The following SEC31B variants were observed in gnomAD, a reference collection of about 807,000 sequenced individuals.
The protein encoded by SEC31B is protein transport protein Sec31B.
SEC31B carries 113 observed loss-of-function variants against 135.0 expected under a neutral mutation model. That is an observed-to-expected ratio of 0.84 (90% CI 0.72 to 0.98). The LOEUF (loss-of-function observed/expected upper bound fraction) is 0.98, where lower values mean the gene tolerates loss of function less well. Ranked by LOEUF, SEC31B falls within the 50% of genes least tolerant of loss-of-function variation. The probability of loss-of-function intolerance (pLI) is 0.00; values close to 1 mark genes in which losing one functional copy is unlikely to be tolerated. For missense variants in SEC31B, 1,296 were observed against 1,421.1 expected (o/e 0.91, Z 1.42); for synonymous variants, 508 against 549.4 (o/e 0.92, Z 1.05).
rs1351504131 is a variant in SEC31B at position 100,505,546 on chromosome 10, G to C, written c.1045-51C>G. The C allele has an allele frequency of 3.3e-6, 5 of 1,501,784 alleles. No homozygotes were observed. In the African/African-American group the frequency reaches 7.2e-5, roughly 22 times the overall value. The allele number at this position is 1,501,784 out of a possible 1,614,324, so 93.0% of individuals were successfully genotyped here. ...CCATCCTAAAGTGGCAGTTTAGTCA[G>C]GAACTCCACCTACAAACTCCATTTT... On this transcript the variant is annotated intron_variant, in intron 9 of 25. Transcript: ENST00000370345.
In SEC31B at chr10:100,497,666, C is replaced by G; in HGVS notation, c.1990+1G>C. 6.2e-7 allele frequency: 1 copy of G among 1,614,208 alleles called. No individual in the cohort carries two copies. Among genetic ancestry groups the G allele is most frequent in the Non-Finnish European group, 8.5e-7 (1 of 1,180,040 alleles). On this transcript the variant is annotated splice_donor_variant, in intron 16 of 25. Coordinates refer to ENST00000370345, the MANE Select transcript of SEC31B (RefSeq NM_015490.4). LOFTEE classifies it high-confidence loss of function. ...ATCCTGAAGCCTGGGACCACACTTA[C>G]CACAGAGCTCGGGAAATTTCTCTGT...
rs1191109244 is a variant in SEC31B at position 100,500,311 on chromosome 10, T to C, written c.1411-713A>G. Among the ~76,000 whole-genome samples the C allele has an allele frequency of 5.9e-5, 9 of 151,848 alleles. No homozygotes were observed. In the South Asian group the frequency reaches 8.3e-4, roughly 14 times the overall value. ...CCTACAGTAGTCTTGTGAGTCTAAATGTTTCTTTTCTTTTTTTTTTTTAGA... is the reference window on the plus strand; with the variant it reads ...CCTACAGTAGTCTTGTGAGTCTAAACGTTTCTTTTCTTTTTTTTTTTTAGA... On this transcript the variant is annotated intron_variant, in intron 11 of 25. Coordinates refer to ENST00000370345, the MANE Select transcript of SEC31B (RefSeq NM_015490.4).
intron 6 of SEC31B, 97 bp from the exon 7 acceptor site, chr10:100,507,664 G>A: frequency 6.6e-7 from 1 of 1,512,394 alleles, no homozygotes; most frequent in Non-Finnish European, 9.1e-7. Flanking sequence ...TCTCTTTTGT[G>A]ACTGGGAACA....
rs764280794 is a variant in SEC31B, at chr10:100,497,835, C to A, written c.1864-42G>T. ...GGGAAAGAGACCATCAGCCATCCAT[C>A]CAGCATAGGCAGCAGGATTCCTGCA... On this transcript the variant is annotated intron_variant, in intron 15 of 25. Coordinates refer to ENST00000370345, the MANE Select transcript of SEC31B (RefSeq NM_015490.4). 1.9e-6 allele frequency: 3 copies of A among 1,613,904 alleles called. No individual in the cohort carries two copies. In the East Asian group the frequency reaches 6.7e-5, roughly 36 times the overall value.
At chr10:100,510,490 A>C (rs932514043) in intron 3 of SEC31B, among the ~76,000 whole-genome samples, 1 of 152,236 alleles carries the variant, frequency 6.6e-6, no homozygotes. Context: ...GGTCCTCTGC[A>C]AAGCCCCTAC....
chr10:100,489,891 A>G, intron 21 of SEC31B, 117 bp downstream of exon 21: 1 of 1,544,848 alleles, frequency 6.5e-7, no homozygotes. Context: ...CTACACTCCC[A>G]GCCACCCTCC....
chr10:100,497,153 C>T lies in SEC31B; in HGVS notation c.2118G>A (p.Leu706=). The T allele has an allele frequency of 1.2e-6, 2 of 1,614,170 alleles. No homozygotes were observed. Among genetic ancestry groups the T allele is most frequent in the Non-Finnish European group, 1.7e-6 (2 of 1,180,042 alleles). ...GGGGTACCTGCAGAGCCATGGGGGA[C>T]AAAGCCTGGTGGCATTTTGCCCAGC... ...VECWAKCHQA[L]SPMALQDLME... The change falls in exon 17 of 26, where the codon TTG becomes TTA. Residue 706 remains leucine, a synonymous_variant. Transcript: ENST00000370345.
intron 22 of SEC31B, 24 bp from the exon 23 acceptor site, chr10:100,489,422 TG>T: frequency 6.2e-7 from 1 of 1,612,312 alleles, no homozygotes; most frequent in South Asian, 1.1e-5. Flanking sequence ...AGGAAAGACA[TG>T]AGTCTAACCT....
intron 3 of SEC31B, among the ~76,000 whole-genome samples, chr10:100,511,185 T>A (rs996361197): frequency 4.6e-5 from 7 of 152,220 alleles, no homozygotes; most frequent in African/African-American, 1.7e-4. Context: ...TGTGACAAAA[T>A]GATTTTCTTT....
intron 19 of SEC31B, among the ~76,000 whole-genome samples, chr10:100,494,531 C>T (rs1244692789): frequency 6.6e-6 from 1 of 152,216 alleles, no homozygotes; most frequent in East Asian, 1.9e-4. Context: ...CAGCCACAAA[C>T]ACCTGTGTTG....
At chr10:100,516,261 A>G (rs372207792) in intron 2 of SEC31B, 42 bp from the exon 3 acceptor site, 1 of 1,604,036 alleles carries the variant, frequency 6.2e-7, no homozygotes, top group South Asian at 1.1e-5. Context: ...CAATATATGC[A>G]TGGATTTCAG....
In SEC31B at chr10:100,487,347, C is replaced by T. The variant is rs1564646823; in HGVS notation, c.*269G>A. The T allele has an allele frequency of 4.5e-6, 2 of 442,572 alleles. No individual in the cohort carries two copies. Among genetic ancestry groups the T allele is most frequent in the East Asian group, 4.4e-5 (1 of 22,956 alleles). 27.4% of individuals were successfully genotyped at this position (442,572 alleles called of 1,614,324 possible). ...GAAGATATCCTGCCCCAGGTCCTTACAGAGTGTAGTATTAGGGAGAGTGAA... is the reference window on the plus strand; with the variant it reads ...GAAGATATCCTGCCCCAGGTCCTTATAGAGTGTAGTATTAGGGAGAGTGAA... On this transcript the variant is annotated 3_prime_UTR_variant, in exon 26 of 26. Coordinates refer to ENST00000370345, the MANE Select transcript of SEC31B (RefSeq NM_015490.4).
chr10:100,509,220 G>C, intron 4 of SEC31B, 96 bp downstream of exon 4: 1 of 1,489,420 alleles, frequency 6.7e-7, no homozygotes, highest in South Asian at 1.2e-5. Flanking sequence ...GCCTGGAAAG[G>C]GGTCAGAGTT....
intron 3 of SEC31B, among the ~76,000 whole-genome samples, chr10:100,512,237 G>A (rs905287310): frequency 6.6e-6 from 1 of 152,304 alleles, no homozygotes; most frequent in East Asian, 1.9e-4. Flanking sequence ...TTCTTCCAGA[G>A]GTTATGGGGG....
rs557299272 is a variant in SEC31B at position 100,516,021 on chromosome 10, C to G, written c.203+75G>C. 71 of 1,555,522 alleles carry G rather than the reference C, an allele frequency of 4.6e-5. 1 individual carries two copies. The South Asian group carries it at 7.6e-4, about 17-fold the overall frequency. On this transcript the variant is annotated intron_variant, in intron 3 of 25. Transcript: ENST00000370345. The stretch of plus-strand genomic sequence containing the variant: ...TCCCTCACTTGGCTCCTCATGAGCC[C>G]TAAGAAACACACACTGCTCCCAGGA...
Position 100,497,831 on chromosome 10 carries a change from C to T in SEC31B, c.1864-38G>A, listed in dbSNP as rs201613532. 2.5e-6 allele frequency: 4 copies of T among 1,614,086 alleles called. No homozygotes were observed. In the East Asian group the frequency reaches 6.7e-5, roughly 27 times the overall value. On this transcript the variant is annotated intron_variant, in intron 15 of 25. Transcript: ENST00000370345. ...GAGAGGGAAAGAGACCATCAGCCAT[C>T]CATCCAGCATAGGCAGCAGGATTCC...
intron 1 of SEC31B, among the ~76,000 whole-genome samples, chr10:100,518,873 C>T (rs1040912130): frequency 3.3e-5 from 5 of 152,246 alleles, no homozygotes; most frequent in African/African-American, 9.6e-5. Flanking sequence ...ACACTTGTGG[C>T]TACTATCACG....
rs1851612272 is a variant in SEC31B at position 100,505,462 on chromosome 10, G to C, written c.1078C>G (p.Pro360Ala). The change falls in exon 10 of 26, where the codon CCA becomes GCA. Residue 360 changes from proline to alanine, a missense_variant. Coordinates refer to ENST00000370345, the MANE Select transcript of SEC31B (RefSeq NM_015490.4). ...ACTTGCTCTGGCACCTGCAGTGGTG[G>C]GAGAGGCTGGCCTTTGCTGAAGGAA... ...SSSFSKGQPL[P>A]PLQVPEQVAQ... 2 of 1,582,366 alleles carry C rather than the reference G, an allele frequency of 1.3e-6. No individual in the cohort carries two copies. The highest frequency in any genetic ancestry group is 1.7e-6 in the Non-Finnish European group (2 of 1,165,556).
intron 3 of SEC31B, among the ~76,000 whole-genome samples, chr10:100,513,213 G>T (rs910047234): frequency 6.6e-6 from 1 of 152,146 alleles, no homozygotes; most frequent in Non-Finnish European, 1.5e-5. Flanking sequence ...GAGGTCTTTG[G>T]GAATGTGATT....
Sources: gnomAD v4.1 joint callset for allele counts (sites outside exome capture counted in the v4.1 genomes callset) on GRCh38, gnomAD v4.1.1 for gene constraint, MANE v1.5 for transcripts, NCBI Gene and HGNC (gene_info 2026-07-23, HGNC 2026-07-21) for gene names.